GRK3: variants seen among roughly 807,000 people sequenced by gnomAD.
GRK3 encodes the protein adrenergic, beta, receptor kinase 2.
GRK3 carries 54 observed loss-of-function variants against 95.7 expected under a neutral mutation model. The observed-to-expected ratio is 0.56, with a 90% confidence interval of 0.45 to 0.71. GRK3 has a LOEUF of 0.71. Among genes scored for constraint, GRK3 ranks in the 30% least tolerant of loss-of-function variants. The pLI is 0.00. For missense variants in GRK3, 649 were observed against 851.2 expected (o/e 0.76, Z 2.96); for synonymous variants, 281 against 290.8 (o/e 0.97, Z 0.34).
At chr22:25,671,466 A>G (rs1446619208) in intron 6 of GRK3, among the ~76,000 whole-genome samples, 2 of 152,214 alleles carry the variant, frequency 1.3e-5, no homozygotes, top group East Asian at 3.8e-4. Context: ...TAAAGAAAAC[A>G]CTCATCAAGC....
At chr22:25,634,994 A>T (rs915531128) in intron 2 of GRK3, among the ~76,000 whole-genome samples, 107 of 152,220 alleles carry the variant, frequency 7.0e-4, no homozygotes, top group African/African-American at 2.5e-3. Flanking sequence ...GAATGGTATG[A>T]GGAATTTTGT....
At chr22:25,658,748 T>C (rs2084890131) in intron 3 of GRK3, among the ~76,000 whole-genome samples, 1 of 152,130 alleles carries the variant, frequency 6.6e-6, no homozygotes, top group Non-Finnish European at 1.5e-5. Flanking sequence ...ATGAATTGGA[T>C]GTAGGGGGTG....
At chr22:25,679,419 C>T (rs2085057709) in intron 9 of GRK3, among the ~76,000 whole-genome samples, 1 of 152,212 alleles carries the variant, frequency 6.6e-6, no homozygotes, top group Admixed American at 6.5e-5. Context: ...TGTTTATCAG[C>T]CTTTCCATTT....
chr22:25,686,852 C>T (rs1000039138), intron 10 of GRK3, among the ~76,000 whole-genome samples: 3 of 152,170 alleles, frequency 2.0e-5, no homozygotes, highest in South Asian at 2.1e-4. Context: ...GAGACGGAGT[C>T]TCTGTTGCCC....
intron 2 of GRK3, among the ~76,000 whole-genome samples, chr22:25,607,680 AGTT>A (rs2084462079): frequency 6.6e-6 from 1 of 151,870 alleles, no homozygotes; most frequent in Admixed American, 6.6e-5. Flanking sequence ...AGGTTCAAGC[AGTT>A]GTTGTGCCTC....
intron 16 of GRK3, 43 bp from the exon 17 acceptor site, chr22:25,711,025 A>G (rs778901327): frequency 7.6e-7 from 1 of 1,307,796 alleles, no homozygotes; most frequent in Admixed American, 1.8e-5. Flanking sequence ...ACAGGGCCAT[A>G]CGATCATCTG....
At chr22:25,670,027 A>T (rs1315132923) in intron 6 of GRK3, among the ~76,000 whole-genome samples, 1 of 152,228 alleles carries the variant, frequency 6.6e-6, no homozygotes, top group Non-Finnish European at 1.5e-5. Flanking sequence ...CTCAAAACAT[A>T]ATTTTAATTG....
Position 25,704,138 on chromosome 22 carries a change from T to C in GRK3, c.1257T>C (p.Pro419=). ...TGGAACTTCCAGACACCTTCTCTCCTGAACTGAAGTCCCTTTTGGAGGGCT... is the reference window on the plus strand; with the variant it reads ...TGGAACTTCCAGACACCTTCTCTCCCGAACTGAAGTCCCTTTTGGAGGGCT... ...VNVELPDTFS[P]ELKSLLEGLL... The change falls in exon 15 of 21, where the codon CCT becomes CCC. Residue 419 remains proline (P), a synonymous_variant. Coordinates refer to ENST00000324198, the MANE Select transcript of GRK3 (RefSeq NM_005160.4). The C allele has an allele frequency of 1.9e-6, 3 of 1,613,736 alleles. No individual in the cohort carries two copies. Among genetic ancestry groups the C allele is most frequent in the South Asian group, 1.1e-5 (1 of 91,040 alleles).
At chr22:25,641,596 C>T (rs537616361) in intron 2 of GRK3, among the ~76,000 whole-genome samples, 51 of 152,074 alleles carry the variant, frequency 3.4e-4, no homozygotes, top group African/African-American at 1.1e-3. Context: ...TGAATGGATG[C>T]GAGATAGAGA....
intron 2 of GRK3, among the ~76,000 whole-genome samples, chr22:25,610,230 A>G (rs1476921764): frequency 8.5e-5 from 13 of 152,120 alleles, no homozygotes; most frequent in Non-Finnish European, 1.3e-4. Flanking sequence ...TGGAAGTCTG[A>G]GGCAGGAGGA....
rs548619070 is a variant in GRK3, at chr22:25,724,344, G to A, written c.*1894G>A. Reference sequence around the variant, plus strand: ...AAGGGCCTGCTGTTGACTCCACCAGGGTCTGGGCTTAGCGTCTAATATCTC... The same window carrying A: ...AAGGGCCTGCTGTTGACTCCACCAGAGTCTGGGCTTAGCGTCTAATATCTC... On this transcript the variant is annotated 3_prime_UTR_variant, in exon 21 of 21. Transcript: ENST00000324198. 33 of 152,276 alleles carry A rather than the reference G, an allele frequency of 2.2e-4. No individual in the cohort carries two copies. The highest frequency in any genetic ancestry group is 7.7e-4 in the African/African-American group (32 of 41,540). 9.4% of individuals were successfully genotyped at this position (152,276 alleles called of 1,614,324 possible). A position where few individuals can be genotyped will look rare whatever the true frequency, so the allele number is the denominator to read the frequency against.
intron 1 of GRK3, among the ~76,000 whole-genome samples, chr22:25,593,990 G>A (rs2146330238): frequency 6.6e-6 from 1 of 152,256 alleles, no homozygotes; most frequent in East Asian, 1.9e-4. Flanking sequence ...GCACTATGCT[G>A]TTTTGGTTAC....
rs568568494 is a variant in GRK3 at position 25,600,426 on chromosome 22, C to T, written c.114-3951C>T. On this transcript the variant is annotated intron_variant, in intron 1 of 20. Transcript: ENST00000324198. ...AAGTGCTGGGATTACAGGTGTGAGCCGCCGTGCCTGGCCATGTCTGCAGGT... is the reference window on the plus strand; with the variant it reads ...AAGTGCTGGGATTACAGGTGTGAGCTGCCGTGCCTGGCCATGTCTGCAGGT... Among the ~76,000 whole-genome samples the T allele has an allele frequency of 4.6e-5, 7 of 152,212 alleles. No homozygotes were observed. In the South Asian group the frequency reaches 6.2e-4, roughly 14 times the overall value.
chr22:25,584,110 G>A (rs1932202316), intron 1 of GRK3, among the ~76,000 whole-genome samples: 1 of 152,220 alleles, frequency 6.6e-6, no homozygotes, highest in Non-Finnish European at 1.5e-5. Context: ...ATCTTTGGGA[G>A]TACTTTTTCT....
At chr22:25,581,100 G>C (rs1464823922) in intron 1 of GRK3, 2 of 152,154 alleles carry the variant, frequency 1.3e-5, no homozygotes, top group Non-Finnish European at 2.9e-5. Context: ...GAGCAACAGA[G>C]TGAGACTCTG....
intron 1 of GRK3, among the ~76,000 whole-genome samples, chr22:25,578,643 G>A (rs964920400): frequency 2.0e-5 from 3 of 152,146 alleles, no homozygotes; most frequent in Admixed American, 6.5e-5. Flanking sequence ...GATGCAACAT[G>A]AGAATGAGTC....
chr22:25,565,447 C>T (rs756758746), intron 1 of GRK3, among the ~76,000 whole-genome samples: 23 of 152,230 alleles, frequency 1.5e-4, no homozygotes, highest in Non-Finnish European at 7.4e-5. Context: ...AGCTCCATCC[C>T]TGTCGCCCCC....
intron 10 of GRK3, among the ~76,000 whole-genome samples, chr22:25,686,419 G>A (rs2085114782): frequency 6.6e-6 from 1 of 152,130 alleles, no homozygotes; most frequent in African/African-American, 2.4e-5. Flanking sequence ...GGGGCTTGGG[G>A]GTAAGGTCTT....
intron 19 of GRK3, among the ~76,000 whole-genome samples, chr22:25,719,365 C>T (rs1217686845): frequency 6.6e-6 from 1 of 152,170 alleles, no homozygotes; most frequent in South Asian, 2.1e-4. Context: ...CTCAGTCTCT[C>T]CATTGTACGG....
Sources: gnomAD v4.1 joint callset for allele counts (sites outside exome capture counted in the v4.1 genomes callset) on GRCh38, gnomAD v4.1.1 for gene constraint, MANE v1.5 for transcripts, NCBI Gene and HGNC (gene_info 2026-07-23, HGNC 2026-07-21) for gene names.